Variants in CSMD1 observed in about 807,000 individuals in gnomAD.
The protein encoded by CSMD1 is CUB and sushi domain-containing protein 1.
A neutral mutation model predicts 417.5 loss-of-function variants in CSMD1; 213 were observed. The ratio of observed to expected loss-of-function variants is 0.51; its 90% CI spans 0.46 to 0.57. CSMD1 has a LOEUF of 0.57. Ranked by LOEUF, CSMD1 falls within the 20% of genes least tolerant of loss-of-function variation. The probability of loss-of-function intolerance (pLI) is 0.00; values close to 1 mark genes in which losing one functional copy is unlikely to be tolerated. For missense variants in CSMD1, 6,923 were observed against 4,529.7 expected, an observed-to-expected ratio of 1.53 and a Z score of -15.17; for synonymous variants, 2,862 against 1,736.8, an observed-to-expected ratio of 1.65 and a Z score of -16.11.
At chr8:4,955,698 C>A (rs1585402816) in intron 1 of CSMD1, among the ~76,000 whole-genome samples, 1 of 146,436 alleles carries the variant, frequency 6.8e-6, no homozygotes, top group East Asian at 2.1e-4. Flanking sequence ...TCAGGTGATC[C>A]ACCCACCTCG....
chr8:4,251,041 A>C (rs1803034703), intron 3 of CSMD1, among the ~76,000 whole-genome samples: 1 of 152,224 alleles, frequency 6.6e-6, no homozygotes, highest in Non-Finnish European at 1.5e-5. Flanking sequence ...CTGGACACAA[A>C]TTCAAGCCAG....
At chr8:4,068,312 G>C (rs576574945) in intron 3 of CSMD1, among the ~76,000 whole-genome samples, 26 of 152,286 alleles carry the variant, frequency 1.7e-4, no homozygotes, top group African/African-American at 6.0e-4. Context: ...TGTATTGCGG[G>C]AGAGCTGTGA....
chr8:4,065,454 G>C (rs78268244), intron 3 of CSMD1, among the ~76,000 whole-genome samples: 3,683 of 152,280 alleles, frequency 0.024, 67 homozygotes, highest in Non-Finnish European at 0.039. Flanking sequence ...AGGAAATTTG[G>C]CTTTTCTTTT....
rs139815659 is a variant in CSMD1 at position 4,707,658 on chromosome 8, G to C, written c.86-70100C>G. ...TCCCAGCACTTTGGGAGGCCGAGGC[G>C]GGCGGATCACCTGAGGTCAGGAGTT... On this transcript the variant is annotated intron_variant, in intron 1 of 69. Transcript: ENST00000635120. Among the ~76,000 whole-genome samples, 245 of 151,908 alleles carry C rather than the reference G, an allele frequency of 1.6e-3. 3 individuals carry two copies. Among genetic ancestry groups the C allele is most frequent in the African/African-American group, 5.7e-3 (238 of 41,404 alleles).
chr8:4,215,936 G>A (rs115723905), intron 3 of CSMD1, among the ~76,000 whole-genome samples: 10 of 152,292 alleles, frequency 6.6e-5, no homozygotes, highest in African/African-American at 2.4e-4. Flanking sequence ...ATGCAGGACT[G>A]AACATGCCAG....
At chr8:4,092,759 T>G (rs1442599464) in intron 3 of CSMD1, among the ~76,000 whole-genome samples, 1 of 152,146 alleles carries the variant, frequency 6.6e-6, no homozygotes, top group Non-Finnish European at 1.5e-5. Flanking sequence ...AAATATAACT[T>G]TTATTCCTTT....
chr8:4,306,551 A>G (rs188303723), intron 3 of CSMD1, among the ~76,000 whole-genome samples: 2 of 152,130 alleles, frequency 1.3e-5, no homozygotes, highest in Non-Finnish European at 2.9e-5. Flanking sequence ...TTTCTTCCTT[A>G]TGCAAAAAAA....
chr8:3,214,355 T>C lies in CSMD1; in HGVS notation c.4867+142A>G, dbSNP rs539377677. ...CATTAAATGATCAATGAATGACTGA[T>C]ATTCGTTCCACACTAGCTCTCTAAG... On this transcript the variant is annotated intron_variant, in intron 30 of 69. Coordinates refer to ENST00000635120, the MANE Select transcript of CSMD1 (RefSeq NM_033225.6). The C allele has an allele frequency of 1.8e-5, 12 of 671,320 alleles. No homozygotes were observed. In the South Asian group the frequency reaches 2.7e-4, roughly 15 times the overall value. The allele number at this position is 671,320 out of a possible 1,614,324, so 41.6% of individuals were successfully genotyped here.
intron 3 of CSMD1, among the ~76,000 whole-genome samples, chr8:4,139,089 A>C (rs1803617427): frequency 6.6e-6 from 1 of 152,136 alleles, no homozygotes; most frequent in Non-Finnish European, 1.5e-5. Context: ...TCTTTTACCG[A>C]CCACAACACA....
intron 5 of CSMD1, among the ~76,000 whole-genome samples, chr8:3,993,141 T>A (rs1438061432): frequency 6.6e-6 from 1 of 152,216 alleles, no homozygotes; most frequent in East Asian, 1.9e-4. Context: ...TGCCAATAAT[T>A]ACACTATGGT....
chr8:4,188,652 A>G (rs755359244), intron 3 of CSMD1, among the ~76,000 whole-genome samples: 4 of 152,172 alleles, frequency 2.6e-5, no homozygotes, highest in African/African-American at 4.8e-5. Flanking sequence ...GGAAAAATGA[A>G]AACTCTCATA....
intron 1 of CSMD1, among the ~76,000 whole-genome samples, chr8:4,735,505 T>A (rs1810173749): frequency 6.6e-6 from 1 of 152,346 alleles, no homozygotes; most frequent in South Asian, 2.1e-4. Flanking sequence ...AACATTTTAA[T>A]GCAACTTACA....
chr8:3,979,660 G>T (rs1352795232), intron 5 of CSMD1, among the ~76,000 whole-genome samples: 1 of 152,152 alleles, frequency 6.6e-6, no homozygotes, highest in African/African-American at 2.4e-5. Flanking sequence ...TTGTGAAGAC[G>T]CTGAAAGCAG....
chr8:3,619,186 GA>G (rs1459873731), intron 7 of CSMD1, among the ~76,000 whole-genome samples: 2 of 151,924 alleles, frequency 1.3e-5, no homozygotes, highest in East Asian at 1.9e-4. Flanking sequence ...AGCAGCTGGG[GA>G]AAAAAATAAA....
At chr8:4,900,463 C>T (rs1331962617) in intron 1 of CSMD1, among the ~76,000 whole-genome samples, 3 of 152,120 alleles carry the variant, frequency 2.0e-5, no homozygotes, top group South Asian at 2.1e-4. Context: ...TTTATCCAGT[C>T]CTCCTACCCT....
At chr8:4,442,259 A>AT (rs1204460293) in intron 2 of CSMD1, among the ~76,000 whole-genome samples, 1 of 152,176 alleles carries the variant, frequency 6.6e-6, no homozygotes, top group African/African-American at 2.4e-5. Context: ...AATCTTTAAA[A>AT]TTTTGTTTTT....
intron 26 of CSMD1, among the ~76,000 whole-genome samples, chr8:3,279,964 C>T (rs1183907039): frequency 1.3e-5 from 2 of 152,154 alleles, no homozygotes; most frequent in Non-Finnish European, 2.9e-5. Flanking sequence ...TAGAACCTAA[C>T]CGTATCAGGA....
chr8:3,926,086 C>CACACACACACACACACACACACACCAT (rs1809670707), intron 5 of CSMD1, among the ~76,000 whole-genome samples: 1 of 16,148 alleles, frequency 6.2e-5, no homozygotes, highest in Admixed American at 6.0e-4. Flanking sequence ...ACACCATACA[C>CACACACACACACACACACACACACCAT]ACACACACAC....
chr8:4,477,454 A>G (rs186911038), intron 2 of CSMD1, among the ~76,000 whole-genome samples: 2 of 152,152 alleles, frequency 1.3e-5, no homozygotes, highest in Non-Finnish European at 2.9e-5. Context: ...GGTAAAACAC[A>G]TGATTTTCAG....
Sources: gnomAD v4.1 joint callset for allele counts (sites outside exome capture counted in the v4.1 genomes callset) on GRCh38, gnomAD v4.1.1 for gene constraint, MANE v1.5 for transcripts, NCBI Gene and HGNC (gene_info 2026-07-23, HGNC 2026-07-21) for gene names.